PSKH1: variants seen among roughly 807,000 people sequenced by gnomAD.
PSKH1 encodes the protein serine/threonine-protein kinase H1.
PSKH1 carries 12 observed loss-of-function variants against 26.7 expected under a neutral mutation model. The observed-to-expected ratio is 0.45, with a 90% CI of 0.29 to 0.73. The LOEUF is 0.73. Ranked by LOEUF, PSKH1 falls within the 30% of genes least tolerant of loss-of-function variation. The probability of loss-of-function intolerance (pLI) is 0.11; values close to 1 mark genes in which losing one functional copy is unlikely to be tolerated. For missense variants in PSKH1, 431 were observed against 595.2 expected (o/e 0.72, Z 2.87); for synonymous variants, 213 against 234.3 (o/e 0.91, Z 0.83).
chr16:67,914,923 G>A (rs2058182989), intron 2 of PSKH1, among the ~76,000 whole-genome samples: 1 of 152,126 alleles, frequency 6.6e-6, no homozygotes, highest in Admixed American at 6.6e-5. Flanking sequence ...GACAGAGGAA[G>A]GACTCTGCTA....
chr16:67,912,435 GAAC>G, intron 2 of PSKH1, among the ~76,000 whole-genome samples: 1 of 152,274 alleles, frequency 6.6e-6, no homozygotes, highest in South Asian at 2.1e-4. Flanking sequence ...GTGATAGAGG[GAAC>G]AATTTAAAGA....
At chr16:67,918,863 A>G (rs1279446714) in intron 2 of PSKH1, among the ~76,000 whole-genome samples, 2 of 152,086 alleles carry the variant, frequency 1.3e-5, no homozygotes, top group Non-Finnish European at 2.9e-5. Flanking sequence ...AAGTGCTGGG[A>G]TTACAGGTGT....
Position 67,927,942 on chromosome 16 carries a change from C to G in PSKH1, c.*300C>G. On this transcript the variant is annotated 3_prime_UTR_variant, in exon 3 of 3. Transcript: ENST00000291041. The surrounding 1 kb of genome is among the most constrained non-coding windows in gnomAD (Gnocchi z 5.5). ...TGGTGGAGTTGGGAAGGGATAGGAC[C>G]TGGCCTTCACTGTCTCCCTTGCCCT... 2 of 444,400 alleles carry G rather than the reference C, an allele frequency of 4.5e-6. No individual in the cohort carries two copies. Among genetic ancestry groups the G allele is most frequent in the South Asian group, 3.2e-5 (1 of 31,126 alleles). 27.5% of individuals were successfully genotyped at this position (444,400 alleles called of 1,614,324 possible). A position where few individuals can be genotyped will look rare whatever the true frequency, so the allele number is the denominator to read the frequency against.
At chr16:67,925,198 A>ATT (rs11325565) in intron 2 of PSKH1, among the ~76,000 whole-genome samples, 4 of 139,446 alleles carry the variant, frequency 2.9e-5, no homozygotes, top group Admixed American at 7.2e-5. Context: ...CAATATGAAT[A>ATT]TTTTTTTTTT....
chr16:67,901,033 A>C (rs1166704523), intron 1 of PSKH1, among the ~76,000 whole-genome samples: 2 of 152,134 alleles, frequency 1.3e-5, no homozygotes, highest in African/African-American at 4.8e-5. Context: ...GAGGGAGTTT[A>C]ACAGATGTGA....
intron 1 of PSKH1, among the ~76,000 whole-genome samples, chr16:67,905,617 T>C (rs780520268): frequency 1.3e-5 from 2 of 152,220 alleles, no homozygotes; most frequent in Non-Finnish European, 2.9e-5. Flanking sequence ...CCCAGCACTT[T>C]AGGTGGCCAA....
In PSKH1 at chr16:67,911,096, G is replaced by C. The variant is rs183771686; in HGVS notation, c.957+1390G>C. The stretch of plus-strand genomic sequence containing the variant: ...GCAAGCATGGCAGCTGGAGCCTAGT[G>C]GTGTGCTGGGAAGGCTGTGAAGAAG... On this transcript the variant is annotated intron_variant, in intron 2 of 2. Transcript: ENST00000291041. Among the ~76,000 whole-genome samples the C allele has an allele frequency of 2.1e-4, 32 of 152,348 alleles. No individual in the cohort carries two copies. In the East Asian group the frequency reaches 5.8e-3, roughly 28 times the overall value.
At chr16:67,923,097 C>T (rs574891208) in intron 2 of PSKH1, among the ~76,000 whole-genome samples, 1 of 152,302 alleles carries the variant, frequency 6.6e-6, no homozygotes, top group Non-Finnish European at 1.5e-5. Context: ...GAGCGGAAAG[C>T]CCTTCCTGCT....
intron 1 of PSKH1, among the ~76,000 whole-genome samples, chr16:67,906,028 G>A (rs1598188148): frequency 6.6e-6 from 1 of 151,694 alleles, no homozygotes; most frequent in African/African-American, 2.4e-5. Context: ...AATAATAAAT[G>A]TTTTATCTGA....
chr16:67,908,958 A>C lies in PSKH1; in HGVS notation c.209A>C (p.His70Pro). 6 of 1,613,968 alleles carry C rather than the reference A, an allele frequency of 3.7e-6. No homozygotes were observed. Among genetic ancestry groups the C allele is most frequent in the Non-Finnish European group, 5.1e-6 (6 of 1,179,900 alleles). Residue 70 changes from histidine to proline, a missense_variant, in exon 2 of 3, where the codon CAC (histidine) becomes CCC (proline). Transcript: ENST00000291041. Reference protein sequence around the residue: ...HPCPGPPTAGHTEPPSEPPRR... With the variant: ...HPCPGPPTAGPTEPPSEPPRR... Reference sequence around the variant, plus strand: ...TGCCCCGGTCCCCCGACTGCTGGCCACACGGAGCCTCCCTCAGAACCACCA... The same window carrying C: ...TGCCCCGGTCCCCCGACTGCTGGCCCCACGGAGCCTCCCTCAGAACCACCA...
rs1462044574 is a variant in PSKH1 at position 67,909,158 on chromosome 16, C to T, written c.409C>T (p.Arg137Trp). 3.7e-6 allele frequency: 6 copies of T among 1,613,968 alleles called. No homozygotes were observed. Among genetic ancestry groups the T allele is most frequent in the African/African-American group, 1.3e-5 (1 of 74,894 alleles). The change falls in exon 2 of 3, where the codon CGG (arginine) becomes TGG (tryptophan). Residue 137 changes from arginine (R) to tryptophan (W), a missense_variant. By Grantham distance (101) the Arg-to-Trp change is moderately radical. Coordinates refer to ENST00000291041, the MANE Select transcript of PSKH1 (RefSeq NM_006742.3). The surrounding 1 kb of genome is among the most constrained non-coding windows in gnomAD (Gnocchi z 7.8). ...KMIETKYREG[R>W]EVCESELRVL... is the part of the protein sequence containing the mutation. ...GATTGAGACCAAGTACCGGGAGGGG[C>T]GGGAGGTGTGTGAGTCGGAGCTGCG...
intron 2 of PSKH1, among the ~76,000 whole-genome samples, chr16:67,922,255 G>T (rs2058204625): frequency 1.3e-5 from 2 of 152,160 alleles, no homozygotes; most frequent in Non-Finnish European, 2.9e-5. Context: ...CGTTCTTGTT[G>T]TCATGCTGCT....
intron 2 of PSKH1, among the ~76,000 whole-genome samples, chr16:67,915,126 C>T (rs1043867827): frequency 6.6e-6 from 1 of 151,916 alleles, no homozygotes; most frequent in African/African-American, 2.4e-5. Context: ...TTCTGTTGTT[C>T]TTCTGCTGGA....
chr16:67,908,074 G>A (rs1156970333), intron 1 of PSKH1, among the ~76,000 whole-genome samples: 1 of 152,116 alleles, frequency 6.6e-6, no homozygotes, highest in African/African-American at 2.4e-5. Context: ...GAGGGTGGGC[G>A]CCCTGACAGC....
chr16:67,911,078 T>C (rs1249287959), intron 2 of PSKH1, among the ~76,000 whole-genome samples: 1 of 152,174 alleles, frequency 6.6e-6, no homozygotes, highest in East Asian at 1.9e-4. Flanking sequence ...GCAGCAAGCA[T>C]GGCAGCTGGA....
intron 1 of PSKH1, among the ~76,000 whole-genome samples, chr16:67,906,226 C>T (rs1249542623): frequency 6.6e-6 from 1 of 152,078 alleles, no homozygotes; most frequent in East Asian, 1.9e-4. Context: ...GCATGTGCCA[C>T]CAAGCCCGGC....
intron 1 of PSKH1, among the ~76,000 whole-genome samples, chr16:67,902,789 T>C (rs1465572795): frequency 6.6e-6 from 1 of 151,534 alleles, no homozygotes; most frequent in Non-Finnish European, 1.5e-5. Flanking sequence ...ATGCAGTTTG[T>C]CTTGCCTCCG....
intron 1 of PSKH1, among the ~76,000 whole-genome samples, chr16:67,903,428 A>G (rs1476512454): frequency 6.6e-6 from 1 of 152,132 alleles, no homozygotes; most frequent in Non-Finnish European, 1.5e-5. Context: ...CTGGGATTAC[A>G]GGCATGAGCC....
intron 2 of PSKH1, among the ~76,000 whole-genome samples, chr16:67,923,401 C>T (rs2058208174): frequency 6.6e-6 from 1 of 152,158 alleles, no homozygotes; most frequent in Non-Finnish European, 1.5e-5. Context: ...GCTTGTCTTC[C>T]TCTTGAAGCA....
Sources: gnomAD v4.1 joint callset for allele counts (sites outside exome capture counted in the v4.1 genomes callset) on GRCh38, gnomAD v4.1.1 for gene constraint, Gnocchi (gnomAD v3.1) non-coding constraint, MANE v1.5 for transcripts, NCBI Gene and HGNC (gene_info 2026-07-23, HGNC 2026-07-21) for gene names.